CYP7B1: variants seen among roughly 807,000 people sequenced by gnomAD.
The protein encoded by CYP7B1 is cytochrome P450 family 7 subfamily B member 1, also known as cytochrome P450 7B1.
A neutral mutation model predicts 42.7 loss-of-function variants in CYP7B1; 29 were observed. The ratio of observed to expected loss-of-function variants is 0.68; its 90% CI spans 0.51 to 0.93. The LOEUF is 0.93. Among genes scored for constraint, CYP7B1 ranks in the 40% least tolerant of loss-of-function variants. The pLI is 0.00. For synonymous variants in CYP7B1, 235 were observed against 218.2 expected, an observed-to-expected ratio of 1.08 and a Z score of -0.68; for missense variants, 655 against 600.5, an observed-to-expected ratio of 1.09 and a Z score of -0.95.
chr8:64,633,098 A>G (rs58740344), intron 1 of CYP7B1, among the ~76,000 whole-genome samples: 13,286 of 152,136 alleles, frequency 0.087, 871 homozygotes, highest in African/African-American at 0.17. Context: ...ATGAAGAAAT[A>G]AATTTACATT....
At chr8:64,691,956 G>A (rs778810972) in intron 1 of CYP7B1, among the ~76,000 whole-genome samples, 10 of 152,212 alleles carry the variant, frequency 6.6e-5, no homozygotes, top group African/African-American at 2.4e-4. Flanking sequence ...AAGTTGCAGA[G>A]TATAGATATC....
chr8:64,630,862 G>A (rs1273640101), intron 1 of CYP7B1, among the ~76,000 whole-genome samples: 3 of 152,216 alleles, frequency 2.0e-5, no homozygotes, highest in Non-Finnish European at 2.9e-5. Flanking sequence ...GAACAAGAAT[G>A]TGGGGGTTGG....
In CYP7B1 at chr8:64,798,698, C is replaced by A. The variant is rs1804755111; in HGVS notation, c.-111G>T. 2.4e-6 allele frequency: 3 copies of A among 1,231,160 alleles called. No individual in the cohort carries two copies. The highest frequency in any genetic ancestry group is 1.7e-5 in the South Asian group (1 of 57,786). 76.3% of individuals were successfully genotyped at this position (1,231,160 alleles called of 1,614,324 possible). ...CTCGGCGGCGCCCCCTAGTCCAGGG[C>A]CGGAGAGGCTGGCCTGCCCGCAGCG... On this transcript the variant is annotated 5_prime_UTR_variant, in exon 1 of 6. Transcript: ENST00000310193.
chr8:64,753,066 G>A (rs1193748992), intron 1 of CYP7B1, among the ~76,000 whole-genome samples: 1 of 152,094 alleles, frequency 6.6e-6, no homozygotes, highest in African/African-American at 2.4e-5. Context: ...ATTTTCCTGT[G>A]TTTGAAATGT....
Position 64,653,407 on chromosome 8 carries a change from G to A in CYP7B1, c.123-28868C>T, listed in dbSNP as rs186680065. The stretch of plus-strand genomic sequence containing the variant: ...ACAAACTAGAAAACCTAGATGAGAT[G>A]GATAAATTCCTGGACACATACACCC... On this transcript the variant is annotated intron_variant, in intron 1 of 5. Transcript: ENST00000310193. Among the ~76,000 whole-genome samples the A allele has an allele frequency of 7.9e-5, 12 of 152,066 alleles. No individual in the cohort carries two copies. In the East Asian group the frequency reaches 2.1e-3, roughly 27 times the overall value.
Position 64,624,431 on chromosome 8 carries a change from AT to A in CYP7B1, c.230del (p.His77LeufsTer14). ...CAAGAAGAACTGTGAAAGTGTCACC[AT>A]GTTGCTTTTGAAGTGTTTTCATGAA... ...LRFMKTLQKQ[H>X]GDTFTVLLGG... On this transcript the variant is annotated frameshift_variant, in exon 2 of 6. Coordinates refer to ENST00000310193, the MANE Select transcript of CYP7B1 (RefSeq NM_004820.5). LOFTEE classifies it high-confidence loss of function. 6.2e-7 allele frequency: 1 copy of A among 1,613,876 alleles called. No homozygotes were observed. The highest frequency in any genetic ancestry group is 8.5e-7 in the Non-Finnish European group (1 of 1,179,958).
In CYP7B1 at chr8:64,616,097, T is replaced by C. The variant is rs766438385; in HGVS notation, c.444A>G (p.Lys148=). ...LHLCYQFLQG[K]SLDILLESMM... ...TGCTTTCCAAGAGTATGTCCAAAGA[T>C]TTGCCTTGCAAAAATTGATAGCAGA... Residue 148 remains lysine (K), a synonymous_variant, in exon 3 of 6, where the codon AAA becomes AAG. Coordinates refer to ENST00000310193, the MANE Select transcript of CYP7B1 (RefSeq NM_004820.5). 6.2e-7 allele frequency: 1 copy of C among 1,613,730 alleles called. No individual in the cohort carries two copies. Among genetic ancestry groups the C allele is most frequent in the South Asian group, 1.1e-5 (1 of 91,078 alleles).
chr8:64,750,920 G>C, intron 1 of CYP7B1, among the ~76,000 whole-genome samples: 1 of 152,090 alleles, frequency 6.6e-6, no homozygotes, highest in Non-Finnish European at 1.5e-5. Flanking sequence ...CCCGCTGTAC[G>C]CTTCTTGACC....
chr8:64,631,846 C>A (rs1384872378), intron 1 of CYP7B1, among the ~76,000 whole-genome samples: 2 of 152,014 alleles, frequency 1.3e-5, no homozygotes, highest in African/African-American at 4.8e-5. Flanking sequence ...CAGGGAAATG[C>A]AAATTAAATT....
At position 64,592,777 on chromosome 8, in the gene CYP7B1, A is replaced by G. The variant is rs542898376; in HGVS notation, c.*3865T>C. 6.6e-6 allele frequency among the ~76,000 whole-genome samples: 1 copy of G among 152,248 alleles called. No homozygotes were observed. Among genetic ancestry groups the G allele is most frequent in the East Asian group, 1.9e-4 (1 of 5,186 alleles). ...TGATGTCAAAGGGCCTTATTATTTT[A>G]TTTTTCAAATGAGGACGTTGAAGCT... On this transcript the variant is annotated 3_prime_UTR_variant, in exon 6 of 6. Transcript: ENST00000310193.
intron 1 of CYP7B1, among the ~76,000 whole-genome samples, chr8:64,658,310 T>C (rs13260351): frequency 0.85 from 128,841 of 152,080 alleles, 54,823 homozygotes; most frequent in Middle Eastern, 0.9. Context: ...TTGGCTATAC[T>C]TATACAGGGA....
chr8:64,773,832 C>T (rs918951931), intron 1 of CYP7B1, among the ~76,000 whole-genome samples: 20 of 152,314 alleles, frequency 1.3e-4, no homozygotes, highest in Admixed American at 5.2e-4. Context: ...AGAGAGCTCA[C>T]TTTTATAACA....
At chr8:64,620,301 T>C (rs1402980633) in intron 2 of CYP7B1, among the ~76,000 whole-genome samples, 3 of 152,126 alleles carry the variant, frequency 2.0e-5, no homozygotes, top group Admixed American at 1.3e-4. Flanking sequence ...AAAATATCGG[T>C]TGGAAGAGTG....
chr8:64,711,756 T>G (rs950191833), intron 1 of CYP7B1, among the ~76,000 whole-genome samples: 1 of 152,184 alleles, frequency 6.6e-6, no homozygotes, highest in Non-Finnish European at 1.5e-5. Flanking sequence ...GAAATTGAAA[T>G]GAATTTTCCA....
At chr8:64,680,639 T>C (rs565708355) in intron 1 of CYP7B1, among the ~76,000 whole-genome samples, 16 of 152,136 alleles carry the variant, frequency 1.1e-4, no homozygotes, top group Non-Finnish European at 1.5e-5. Context: ...CTGCCAGTGA[T>C]ACAAATTCCA....
At chr8:64,689,287 G>A (rs1384323589) in intron 1 of CYP7B1, among the ~76,000 whole-genome samples, 1 of 152,198 alleles carries the variant, frequency 6.6e-6, no homozygotes, top group African/African-American at 2.4e-5. Flanking sequence ...AAAGAGGGAA[G>A]GGTCATATTA....
chr8:64,766,442 C>A (rs1243761031), intron 1 of CYP7B1, among the ~76,000 whole-genome samples: 1 of 151,856 alleles, frequency 6.6e-6, no homozygotes, highest in Non-Finnish European at 1.5e-5. Context: ...AACTTAGAAA[C>A]CCTAATGAAC....
intron 5 of CYP7B1, 68 bp downstream of exon 5, chr8:64,604,614 T>G (rs773788120): frequency 6.3e-7 from 1 of 1,583,438 alleles, no homozygotes; most frequent in South Asian, 1.1e-5. Flanking sequence ...GAGGAAGAGA[T>G]AGGGATGGAA....
intron 1 of CYP7B1, among the ~76,000 whole-genome samples, chr8:64,779,723 C>G (rs1804387747): frequency 6.6e-6 from 1 of 152,100 alleles, no homozygotes; most frequent in Non-Finnish European, 1.5e-5. Context: ...AAACAGAAAA[C>G]TAGTCTTTTA....
Sources: gnomAD v4.1 joint callset for allele counts (sites outside exome capture counted in the v4.1 genomes callset) on GRCh38, gnomAD v4.1.1 for gene constraint, MANE v1.5 for transcripts, NCBI Gene and HGNC (gene_info 2026-07-23, HGNC 2026-07-21) for gene names.